ARSJ: variants seen among roughly 807,000 people sequenced by gnomAD.
ARSJ encodes arylsulfatase J.
ARSJ carries 26 observed loss-of-function variants against 35.9 expected under a neutral mutation model. The ratio of observed to expected loss-of-function variants is 0.72; its 90% CI spans 0.53 to 1.00. The LOEUF is 1.00. ARSJ is among the 50% of genes least tolerant of loss of function. The pLI, the probability that ARSJ is intolerant of heterozygous loss-of-function variation, is 0.00. For synonymous variants in ARSJ, 294 were observed against 267.6 expected (o/e 1.10, Z -0.96); for missense variants, 667 against 723.6 (o/e 0.92, Z 0.90).
At chr4:113,919,954 T>G (rs1343252904) in intron 1 of ARSJ, among the ~76,000 whole-genome samples, 1 of 151,642 alleles carries the variant, frequency 6.6e-6, no homozygotes, top group Non-Finnish European at 1.5e-5. Flanking sequence ...TAAAGATTTT[T>G]TTTTTTGCAG....
At position 113,903,183 on chromosome 4, in the gene ARSJ, A is replaced by C; in HGVS notation, c.891T>G (p.Leu297=). ...NINRRRYAAM[L]SCLDEAINNV... is the part of the protein sequence containing the mutation. ...TGTTGATTGCTTCATCTAAGCAGGA[A>C]AGCATGGCAGCATATCTCCTCCTGT... is the stretch of plus-strand genomic sequence containing the variant. Residue 297 remains leucine, a synonymous_variant, in exon 2 of 2, where the codon CTT becomes CTG. Coordinates refer to ENST00000315366, the MANE Select transcript of ARSJ (RefSeq NM_024590.4). 1 of 1,614,188 alleles carries C rather than the reference A, an allele frequency of 6.2e-7. No individual in the cohort carries two copies. Among genetic ancestry groups the C allele is most frequent in the Non-Finnish European group, 8.5e-7 (1 of 1,180,008 alleles).
intron 1 of ARSJ, among the ~76,000 whole-genome samples, chr4:113,937,181 G>C (rs941881419): frequency 1.3e-5 from 2 of 151,894 alleles, no homozygotes; most frequent in Non-Finnish European, 2.9e-5. Flanking sequence ...AAGGGCCAGA[G>C]ATTCTCAGTG....
At chr4:113,936,767 C>A (rs1167732821) in intron 1 of ARSJ, among the ~76,000 whole-genome samples, 1 of 151,690 alleles carries the variant, frequency 6.6e-6, no homozygotes, top group African/African-American at 2.4e-5. Flanking sequence ...GCTCAATTAC[C>A]AAACTATTTT....
chr4:113,929,014 A>G (rs1724257282), intron 1 of ARSJ, among the ~76,000 whole-genome samples: 1 of 152,058 alleles, frequency 6.6e-6, no homozygotes, highest in Non-Finnish European at 1.5e-5. Flanking sequence ...AACTATTAGA[A>G]CATTTTTTGA....
intron 1 of ARSJ, among the ~76,000 whole-genome samples, chr4:113,904,502 T>C (rs1196561663): frequency 6.6e-6 from 1 of 152,216 alleles, no homozygotes; most frequent in Non-Finnish European, 1.5e-5. Context: ...TTCTTTTTTT[T>C]GAGACGGAGT....
Position 113,925,645 on chromosome 4 carries a change from G to A in ARSJ, c.399-21970C>T, listed in dbSNP as rs569808899. 1.2e-4 allele frequency among the ~76,000 whole-genome samples: 18 copies of A among 152,288 alleles called. No individual in the cohort carries two copies. In the South Asian group the frequency reaches 3.3e-3, roughly 28 times the overall value. ...ACTGCCACACTGCTTTAGCTGTAAA[G>A]TGAGTGCCTTGGTCAGAGGCAATGC... On this transcript the variant is annotated intron_variant, in intron 1 of 1. Coordinates refer to ENST00000315366, the MANE Select transcript of ARSJ (RefSeq NM_024590.4).
chr4:113,959,410 G>A (rs1368717947), intron 1 of ARSJ, among the ~76,000 whole-genome samples: 1 of 151,926 alleles, frequency 6.6e-6, no homozygotes, highest in Non-Finnish European at 1.5e-5. Flanking sequence ...ACATGAGTCA[G>A]AGTAATAAAG....
At chr4:113,927,724 TC>T (rs1224194235) in intron 1 of ARSJ, among the ~76,000 whole-genome samples, 7 of 152,162 alleles carry the variant, frequency 4.6e-5, no homozygotes, top group Non-Finnish European at 7.4e-5. Context: ...CTTAGGAGAA[TC>T]CATTGTCATT....
At chr4:113,903,798 A>G (rs760193292) in intron 1 of ARSJ, 123 bp from the exon 2 acceptor site, 312 of 1,293,088 alleles carry the variant, frequency 2.4e-4, no homozygotes, top group Non-Finnish European at 3.1e-4. Context: ...ATTGACCCCA[A>G]TGATAAATGA....
chr4:113,920,168 A>G (rs2149258114), intron 1 of ARSJ, among the ~76,000 whole-genome samples: 1 of 152,260 alleles, frequency 6.6e-6, no homozygotes, highest in African/African-American at 2.4e-5. Flanking sequence ...CAAAGATTGT[A>G]ATTGTTCTCT....
intron 1 of ARSJ, among the ~76,000 whole-genome samples, chr4:113,945,268 G>A (rs1725403484): frequency 6.6e-6 from 1 of 152,010 alleles, no homozygotes; most frequent in South Asian, 2.1e-4. Flanking sequence ...TCTAGAAGCT[G>A]GGACTATAGG....
chr4:113,976,257 C>T (rs1727585647), intron 1 of ARSJ, among the ~76,000 whole-genome samples: 1 of 152,194 alleles, frequency 6.6e-6, no homozygotes, highest in Admixed American at 6.5e-5. Context: ...TGTCACACTT[C>T]ACATAACCCA....
intron 1 of ARSJ, among the ~76,000 whole-genome samples, chr4:113,956,274 C>T (rs977759578): frequency 2.0e-5 from 3 of 151,962 alleles, no homozygotes; most frequent in Admixed American, 6.6e-5. Context: ...TAAAGAGCCA[C>T]GCCACCTCTC....
At chr4:113,923,506 A>C (rs1022106019) in intron 1 of ARSJ, among the ~76,000 whole-genome samples, 1 of 152,166 alleles carries the variant, frequency 6.6e-6, no homozygotes, top group Admixed American at 6.6e-5. Context: ...GTTGTAAACA[A>C]GTTTCTCTAA....
intron 1 of ARSJ, among the ~76,000 whole-genome samples, chr4:113,953,640 A>T (rs1725995287): frequency 6.6e-6 from 1 of 152,066 alleles, no homozygotes; most frequent in Admixed American, 6.6e-5. Flanking sequence ...ATGGCACCAG[A>T]TCTATCTGGT....
In ARSJ at chr4:113,978,847, C is replaced by A; in HGVS notation, c.-13G>T. On this transcript the variant is annotated 5_prime_UTR_variant, in exon 1 of 2. Coordinates refer to ENST00000315366, the MANE Select transcript of ARSJ (RefSeq NM_024590.4). ...CCCTGGGAGCCATTCACTCAGGTCCCAGGTGAGACTCCACGCGGAGAACCA... is the reference window on the plus strand; with the variant it reads ...CCCTGGGAGCCATTCACTCAGGTCCAAGGTGAGACTCCACGCGGAGAACCA... 1 of 1,579,864 alleles carries A rather than the reference C, an allele frequency of 6.3e-7. No individual in the cohort carries two copies. The highest frequency in any genetic ancestry group is 1.2e-5 in the South Asian group (1 of 85,578).
chr4:113,903,652 T>G lies in ARSJ; in HGVS notation c.422A>C (p.Gln141Pro). The G allele has an allele frequency of 6.2e-7, 1 of 1,612,692 alleles. No homozygotes were observed. Among genetic ancestry groups the G allele is most frequent in the Non-Finnish European group, 8.5e-7 (1 of 1,178,738 alleles). ...TGKYQIHTGL[Q>P]HSIIRPTQPN... ...TTGGGTAGGTCTTATGATAGAATGTTGAAGTCCGGTGTGTATCTGATACCT... is the reference window on the plus strand; with the variant it reads ...TTGGGTAGGTCTTATGATAGAATGTGGAAGTCCGGTGTGTATCTGATACCT... The change falls in exon 2 of 2, where the codon CAA (glutamine) becomes CCA (proline). Residue 141 changes from glutamine to proline, a missense_variant. Coordinates refer to ENST00000315366, the MANE Select transcript of ARSJ (RefSeq NM_024590.4).
Position 113,910,477 on chromosome 4 carries a change from G to A in ARSJ, c.399-6802C>T, listed in dbSNP as rs77710579. 6.6e-3 allele frequency among the ~76,000 whole-genome samples: 1,006 copies of A among 152,202 alleles called. 14 individuals are homozygous for A. Among genetic ancestry groups the A allele is most frequent in the African/African-American group, 0.023 (963 of 41,556 alleles). On this transcript the variant is annotated intron_variant, in intron 1 of 1. Transcript: ENST00000315366. ...GTAGAAATTCATATTTTGAAGGGAAGGAAATAAATGCAAGAGACTGTAGTT... is the reference window on the plus strand; with the variant it reads ...GTAGAAATTCATATTTTGAAGGGAAAGAAATAAATGCAAGAGACTGTAGTT...
At position 113,941,248 on chromosome 4, in the gene ARSJ, G is replaced by A. The variant is rs186483196; in HGVS notation, c.398+37189C>T. ...CAGTTTCTAAGGACATTGCTAAGTT[G>A]CAAAACAAAACAAACACTTTGCAGT... On this transcript the variant is annotated intron_variant, in intron 1 of 1. Transcript: ENST00000315366. 1.8e-4 allele frequency among the ~76,000 whole-genome samples: 28 copies of A among 152,102 alleles called. No homozygotes were observed. In the East Asian group the frequency reaches 5.4e-3, roughly 30 times the overall value.
Sources: allele counts gnomAD v4.1 joint callset (sites outside exome capture counted in the v4.1 genomes callset), GRCh38; gene constraint gnomAD v4.1.1; transcripts MANE v1.5; gene names NCBI Gene and HGNC (gene_info 2026-07-23, HGNC 2026-07-21).